Variants in KLK11 observed in about 807,000 individuals in gnomAD.
KLK11 encodes the protein kallikrein related peptidase 11, also known as kallikrein-11.
In KLK11, 10 loss-of-function variants were observed where a neutral mutation model predicts 23.4. That is an observed-to-expected ratio of 0.43 (90% CI 0.26 to 0.73). The LOEUF is 0.73. Among genes scored for constraint, KLK11 ranks in the 30% least tolerant of loss-of-function variants. The probability of loss-of-function intolerance (pLI) is 0.22; values close to 1 mark genes in which losing one functional copy is unlikely to be tolerated. For synonymous variants in KLK11, 131 were observed against 131.7 expected (o/e 0.99, Z 0.03); for missense variants, 285 against 327.8 (o/e 0.87, Z 1.01).
Position 51,025,545 on chromosome 19 carries a change from A to C in KLK11, c.40+47T>G. ...CAGACACAGAGGGTTAGGGGATCCC[A>C]GAGATTCAAGAGGGAGGATCCTGCC... On this transcript the variant is annotated intron_variant, in intron 2 of 5. Transcript: ENST00000453757. This position sits in a 1 kb window ranked among gnomAD's most constrained non-coding sequence, Gnocchi z 6.2. 3.8e-6 allele frequency: 5 copies of C among 1,304,822 alleles called. No homozygotes were observed. The highest frequency in any genetic ancestry group is 4.2e-6 in the Non-Finnish European group (4 of 944,746). The allele number at this position is 1,304,822 out of a possible 1,614,324, so 80.8% of individuals were successfully genotyped here. A position where few individuals can be genotyped will look rare whatever the true frequency, so the allele number is the denominator to read the frequency against.
upstream of KLK11, chr19:51,027,715 G>A (rs142185184): frequency 2.4e-4 from 135 of 573,508 alleles, no homozygotes; most frequent in Middle Eastern, 1.6e-3. Flanking sequence ...CCCTTATGAC[G>A]TGGGGACAAG....
chr19:51,024,011 C>CA lies in KLK11; in HGVS notation c.463+33dup. 6.8e-7 allele frequency: 1 copy of CA among 1,470,982 alleles called. No individual in the cohort carries two copies. The highest frequency in any genetic ancestry group is 1.4e-5 in the African/African-American group (1 of 71,548). 91.1% of individuals were successfully genotyped at this position (1,470,982 alleles called of 1,614,324 possible). ...ACAATCCTGACCACTCCCTCCTCAC[C>CA]ACCCCCTGCCAGGTTCCCCTCTGGT... On this transcript the variant is annotated intron_variant, in intron 4 of 5. Coordinates refer to ENST00000453757, the MANE Select transcript of KLK11 (RefSeq NM_001136032.3). This position sits in a 1 kb window ranked among gnomAD's most constrained non-coding sequence, Gnocchi z 6.2.
At position 51,024,168 on chromosome 19, in the gene KLK11, C is replaced by A. The variant is rs1187954872; in HGVS notation, c.340G>T (p.Val114Leu). The A allele has an allele frequency of 6.2e-7, 1 of 1,613,756 alleles. No homozygotes were observed. Among genetic ancestry groups the A allele is most frequent in the Non-Finnish European group, 8.5e-7 (1 of 1,179,884 alleles). ...ATGGAGACTGGCGATGCCATCTTCA[C>A]CAGCATGATGTCATTGCGGTGGTCT... ...NKDHRNDIML[V>L]KMASPVSITW... The change falls in exon 4 of 6, where the codon GTG (valine) becomes TTG (leucine). Residue 114 changes from valine (V) to leucine (L), a missense_variant. Transcript: ENST00000453757. This position sits in a 1 kb window ranked among gnomAD's most constrained non-coding sequence, Gnocchi z 6.2.
In KLK11 at chr19:51,026,581, C is replaced by CGGCAGTG. The variant is rs1389744988; in HGVS notation, c.-86_-80dup. Reference sequence around the variant, plus strand: ...TCTGGGGGCCCAGTGGCGGCGGAGACGGCAGTGGCGGCAGCTACAGCAGGT... The same window carrying CGGCAGTG: ...TCTGGGGGCCCAGTGGCGGCGGAGACGGCAGTGGGCAGTGGCGGCAGCTACAGCAGGT... On this transcript the variant is annotated 5_prime_UTR_variant, in exon 1 of 6. Coordinates refer to ENST00000453757, the MANE Select transcript of KLK11 (RefSeq NM_001136032.3). 1.0e-6 allele frequency: 1 copy of CGGCAGTG among 986,350 alleles called. No homozygotes were observed. The highest frequency in any genetic ancestry group is 1.2e-6 in the Non-Finnish European group (1 of 830,508). 61.1% of individuals were successfully genotyped at this position (986,350 alleles called of 1,614,324 possible). A position where few individuals can be genotyped will look rare whatever the true frequency, so the allele number is the denominator to read the frequency against.
In KLK11 at chr19:51,022,268, T is replaced by G; in HGVS notation, c.*277A>C. Reference sequence around the variant, plus strand: ...GCAAATATTTATTGAAACCTTGATATATGGCCAGGAGCTGTCTTTGGGGCT... The same window carrying G: ...GCAAATATTTATTGAAACCTTGATAGATGGCCAGGAGCTGTCTTTGGGGCT... On this transcript the variant is annotated 3_prime_UTR_variant, in exon 6 of 6. Coordinates refer to ENST00000453757, the MANE Select transcript of KLK11 (RefSeq NM_001136032.3). 2.1e-6 allele frequency: 1 copy of G among 482,060 alleles called. No individual in the cohort carries two copies. The highest frequency in any genetic ancestry group is 3.8e-6 in the Non-Finnish European group (1 of 263,582). The allele number at this position is 482,060 out of a possible 1,614,324, so 29.9% of individuals were successfully genotyped here. A position where few individuals can be genotyped will look rare whatever the true frequency, so the allele number is the denominator to read the frequency against.
At position 51,025,989 on chromosome 19, in the gene KLK11, C is replaced by G. The variant is rs74882927; in HGVS notation, c.-35-323G>C. On this transcript the variant is annotated intron_variant, in intron 1 of 5. Coordinates refer to ENST00000453757, the MANE Select transcript of KLK11 (RefSeq NM_001136032.3). The surrounding 1 kb of genome is among the most constrained non-coding windows in gnomAD (Gnocchi z 6.2). Reference sequence around the variant, plus strand: ...GTTCAAGTCAGCCATGGGACCTCCCCGGCACATGTCAGAGGATGTTTTCCT... The same window carrying G: ...GTTCAAGTCAGCCATGGGACCTCCCGGGCACATGTCAGAGGATGTTTTCCT... Among the ~76,000 whole-genome samples the G allele has an allele frequency of 6.1e-3, 931 of 152,250 alleles. 30 individuals are homozygous for G. The South Asian group carries it at 0.093, about 15-fold the overall frequency.
upstream of KLK11, chr19:51,026,740 C>G (rs768078550): frequency 1.0e-4 from 31 of 310,992 alleles, no homozygotes; most frequent in Non-Finnish European, 1.3e-4. Flanking sequence ...TGAGGGCCCT[C>G]CCCGGAGGCC....
Position 51,025,705 on chromosome 19 carries a change from G to A in KLK11, c.-35-39C>T, listed in dbSNP as rs374127231. 2.1e-4 allele frequency: 206 copies of A among 972,530 alleles called. No homozygotes were observed. Among genetic ancestry groups the A allele is most frequent in the South Asian group, 1.3e-3 (82 of 61,394 alleles). The allele number at this position is 972,530 out of a possible 1,614,324, so 60.2% of individuals were successfully genotyped here. A position where few individuals can be genotyped will look rare whatever the true frequency, so the allele number is the denominator to read the frequency against. ...GGGACATGGGGCCGCATCACTTTACGGGGAAATCGGGAGGGGGGGGCTGGC... is the reference window on the plus strand; with the variant it reads ...GGGACATGGGGCCGCATCACTTTACAGGGAAATCGGGAGGGGGGGGCTGGC... On this transcript the variant is annotated intron_variant, in intron 1 of 5. Coordinates refer to ENST00000453757, the MANE Select transcript of KLK11 (RefSeq NM_001136032.3). The surrounding 1 kb of genome is among the most constrained non-coding windows in gnomAD (Gnocchi z 6.2).
At chr19:51,027,631 G>A (rs2122581603), upstream of KLK11, 1 of 1,282,720 alleles carries the variant, frequency 7.8e-7, no homozygotes, top group East Asian at 2.4e-5. Flanking sequence ...GCAAGGCAGG[G>A]GAGGGCCTAG....
rs773471920 is a variant in KLK11 at position 51,024,632 on chromosome 19, A to G, written c.197+6T>C. 1.6e-5 allele frequency: 22 copies of G among 1,383,426 alleles called. No homozygotes were observed. In the East Asian group the frequency reaches 6.3e-4, roughly 39 times the overall value. 85.7% of individuals were successfully genotyped at this position (1,383,426 alleles called of 1,614,324 possible). On this transcript the variant is annotated splice_donor_region_variant and intron_variant, in intron 3 of 5. Coordinates refer to ENST00000453757, the MANE Select transcript of KLK11 (RefSeq NM_001136032.3). This position sits in a 1 kb window ranked among gnomAD's most constrained non-coding sequence, Gnocchi z 6.2. Reference sequence around the variant, plus strand: ...ACCCCGGCACCGCCCCAGCCCCCGCACCCACGGCTTGAGGCAGTGGGCTGC... The same window carrying G: ...ACCCCGGCACCGCCCCAGCCCCCGCGCCCACGGCTTGAGGCAGTGGGCTGC...
At position 51,025,897 on chromosome 19, in the gene KLK11, G is replaced by C; in HGVS notation, c.-35-231C>G. The stretch of plus-strand genomic sequence containing the variant: ...GGCCTGGTCACAGCTAGAAGCTTCC[G>C]AGATACCAAGAACCATGTGGAAGTC... On this transcript the variant is annotated intron_variant, in intron 1 of 5. Transcript: ENST00000453757. The surrounding 1 kb of genome is among the most constrained non-coding windows in gnomAD (Gnocchi z 6.2). 2.7e-6 allele frequency: 1 copy of C among 377,000 alleles called. No individual in the cohort carries two copies. The highest frequency in any genetic ancestry group is 4.8e-6 in the Non-Finnish European group (1 of 210,394). The allele number at this position is 377,000 out of a possible 1,614,324, so 23.4% of individuals were successfully genotyped here. A position where few individuals can be genotyped will look rare whatever the true frequency, so the allele number is the denominator to read the frequency against.
chr19:51,027,540 C>T, upstream of KLK11: 1 of 1,613,794 alleles, frequency 6.2e-7, no homozygotes, highest in Non-Finnish European at 8.5e-7. Context: ...AGCGCAGATT[C>T]CTGCTTCTCC....
At chr19:51,023,912 C>T (rs539400006) in intron 4 of KLK11, 133 bp downstream of exon 4, 84 of 811,744 alleles carry the variant, frequency 1.0e-4, no homozygotes, top group African/African-American at 4.3e-4. Context: ...CCTATCCTGA[C>T]GTTTTCCACA....
intron 4 of KLK11, 116 bp downstream of exon 4, chr19:51,023,929 C>T: frequency 1.0e-6 from 1 of 971,224 alleles, no homozygotes; most frequent in Non-Finnish European, 1.4e-6. Flanking sequence ...CACACATCCT[C>T]TCAACTTATC....
In KLK11 at chr19:51,024,897, T is replaced by A; in HGVS notation, c.41-103A>T. 1 of 1,164,332 alleles carries A rather than the reference T, an allele frequency of 8.6e-7. No individual in the cohort carries two copies. Among genetic ancestry groups the A allele is most frequent in the African/African-American group, 1.6e-5 (1 of 62,446 alleles). The allele number at this position is 1,164,332 out of a possible 1,614,324, so 72.1% of individuals were successfully genotyped here. ...GGGAGGAGAGAAAGAGAGTGGGTGG[T>A]CTGGGCCCTGGTCTGGTGTCCCTCT... On this transcript the variant is annotated intron_variant, in intron 2 of 5. Transcript: ENST00000453757. This position sits in a 1 kb window ranked among gnomAD's most constrained non-coding sequence, Gnocchi z 6.2.
At chr19:51,027,281 G>A (rs1408618047), upstream of KLK11, 9 of 648,754 alleles carry the variant, frequency 1.4e-5, no homozygotes, top group East Asian at 2.4e-4. Context: ...ACAGGGGCAG[G>A]ACCGGAGGGT....
upstream of KLK11, chr19:51,027,685 T>C (rs550166401): frequency 3.0e-6 from 2 of 656,026 alleles, no homozygotes; most frequent in East Asian, 2.8e-5. Flanking sequence ...AGGTGCTTCC[T>C]CTTCCTACTA....
At position 51,024,933 on chromosome 19, in the gene KLK11, G is replaced by T; in HGVS notation, c.41-139C>A. The T allele has an allele frequency of 1.4e-6, 1 of 722,068 alleles. No individual in the cohort carries two copies. The highest frequency in any genetic ancestry group is 2.1e-6 in the Non-Finnish European group (1 of 471,034). The allele number at this position is 722,068 out of a possible 1,614,324, so 44.7% of individuals were successfully genotyped here. On this transcript the variant is annotated intron_variant, in intron 2 of 5. Transcript: ENST00000453757. This position sits in a 1 kb window ranked among gnomAD's most constrained non-coding sequence, Gnocchi z 6.2. Reference sequence around the variant, plus strand: ...GTCTGGTGTCCCTCTGGGTTGCCCTGGATGCTGGGGTCGGGTATTAAAGGA... The same window carrying T: ...GTCTGGTGTCCCTCTGGGTTGCCCTTGATGCTGGGGTCGGGTATTAAAGGA...
chr19:51,027,522 G>A (rs757427637), upstream of KLK11: 9 of 1,613,954 alleles, frequency 5.6e-6, no homozygotes, highest in Admixed American at 6.7e-5. Context: ...CTGCATCTGC[G>A]GAACCCGAGC....
Sources: allele counts gnomAD v4.1 joint callset (sites outside exome capture counted in the v4.1 genomes callset), GRCh38; gene constraint gnomAD v4.1.1; non-coding constraint Gnocchi (gnomAD v3.1); transcripts MANE v1.5; gene names NCBI Gene and HGNC (gene_info 2026-07-23, HGNC 2026-07-21).